PDXK: variants seen among roughly 807,000 people sequenced by gnomAD.
The protein encoded by PDXK is pyridoxal kinase, also known as epididymis secretory sperm binding protein Li 1a.
In PDXK, 15 loss-of-function variants were observed where a neutral mutation model predicts 43.2. The observed-to-expected ratio is 0.35, with a 90% CI of 0.23 to 0.53. The LOEUF is 0.53. PDXK is among the 20% of genes least tolerant of loss of function. The pLI is 0.92. For synonymous variants in PDXK, 172 were observed against 165.4 expected (o/e 1.04, Z -0.31); for missense variants, 343 against 417.0 (o/e 0.82, Z 1.54).
intron 1 of PDXK, among the ~76,000 whole-genome samples, chr21:43,727,937 C>G (rs2083270640): frequency 6.6e-6 from 1 of 152,238 alleles, no homozygotes; most frequent in Non-Finnish European, 1.5e-5. Flanking sequence ...CATCTGGGCA[C>G]TTCTGAGCCA....
chr21:43,752,486 G>A, intron 7 of PDXK, 32 bp from the exon 8 acceptor site: 1 of 1,460,688 alleles, frequency 6.8e-7, no homozygotes. Flanking sequence ...CATGTGACCG[G>A]CCGTGGCTGA....
intron 7 of PDXK, among the ~76,000 whole-genome samples, chr21:43,750,767 G>A (rs145902281): frequency 9.3e-5 from 11 of 118,686 alleles, no homozygotes; most frequent in South Asian, 2.8e-4. Flanking sequence ...GCGTGTGTGC[G>A]CGCGTATTGT....
Position 43,758,500 on chromosome 21 carries a change from A to C in PDXK, c.*2437A>C, listed in dbSNP as rs1280407027. On this transcript the variant is annotated 3_prime_UTR_variant, in exon 11 of 11. Coordinates refer to ENST00000291565, the MANE Select transcript of PDXK (RefSeq NM_003681.5). Reference sequence around the variant, plus strand: ...CAGACTGCCTGCTGTCAAACCACGGAGCAGCTGGAGCCTGCCCTGTCCACG... The same window carrying C: ...CAGACTGCCTGCTGTCAAACCACGGCGCAGCTGGAGCCTGCCCTGTCCACG... 1 of 153,564 alleles carries C rather than the reference A, an allele frequency of 6.5e-6. No individual in the cohort carries two copies. Among genetic ancestry groups the C allele is most frequent in the Non-Finnish European group, 1.5e-5 (1 of 68,056 alleles). 9.5% of individuals were successfully genotyped at this position (153,564 alleles called of 1,614,324 possible). A position where few individuals can be genotyped will look rare whatever the true frequency, so the allele number is the denominator to read the frequency against.
chr21:43,752,477 ATGTGACCGGCCGTGGCTGACG>A lies in PDXK; in HGVS notation c.511-40_511-20del, dbSNP rs772202708. ...TGGGGTGTGACCAGCCGTGGCTGAC[ATGTGACCGGCCGTGGCTGACG>A]CTCCCTGTGCCACTGCTAGGTGATG... On this transcript the variant is annotated intron_variant, in intron 7 of 10. Coordinates refer to ENST00000291565, the MANE Select transcript of PDXK (RefSeq NM_003681.5). 2 of 1,368,844 alleles carry A rather than the reference ATGTGACCGGCCGTGGCTGACG, an allele frequency of 1.5e-6. No individual in the cohort carries two copies. The highest frequency in any genetic ancestry group is 1.7e-5 in the Admixed American group (1 of 59,494). The allele number at this position is 1,368,844 out of a possible 1,614,324, so 84.8% of individuals were successfully genotyped here. A position where few individuals can be genotyped will look rare whatever the true frequency, so the allele number is the denominator to read the frequency against.
intron 1 of PDXK, among the ~76,000 whole-genome samples, chr21:43,725,224 G>A (rs761589518): frequency 3.3e-4 from 50 of 152,256 alleles, no homozygotes; most frequent in African/African-American, 1.2e-3. Context: ...TTGGGAGGCT[G>A]AGGCAGGAGA....
intron 2 of PDXK, chr21:43,736,990 A>G (rs1317223317): frequency 4.3e-6 from 3 of 701,840 alleles, no homozygotes; most frequent in South Asian, 1.5e-5. Context: ...GCTGGCGTGA[A>G]GTGGCGCAAC....
chr21:43,751,705 A>G (rs2083754454), intron 7 of PDXK, among the ~76,000 whole-genome samples: 1 of 152,106 alleles, frequency 6.6e-6, no homozygotes, highest in Admixed American at 6.5e-5. Flanking sequence ...TCATGTGTGG[A>G]TGGCAGGGGG....
At chr21:43,745,710 A>G in intron 4 of PDXK, 1 of 209,230 alleles carries the variant, frequency 4.8e-6, no homozygotes, top group Non-Finnish European at 9.7e-6. Flanking sequence ...AAGAAAAAAG[A>G]AAAAAGCCAA....
intron 2 of PDXK, among the ~76,000 whole-genome samples, chr21:43,739,819 C>G (rs1395782087): frequency 6.6e-6 from 1 of 151,822 alleles, no homozygotes; most frequent in African/African-American, 2.4e-5. Flanking sequence ...GAGTCCCACC[C>G]TGCCTGGAAA....
At chr21:43,733,801 C>T in intron 1 of PDXK, 1 of 767,014 alleles carries the variant, frequency 1.3e-6, no homozygotes. Flanking sequence ...CCATGGAGGT[C>T]CTGTGGGCTG....
At chr21:43,722,224 G>A (rs2083211686) in intron 1 of PDXK, among the ~76,000 whole-genome samples, 1 of 152,164 alleles carries the variant, frequency 6.6e-6, no homozygotes, top group African/African-American at 2.4e-5. Flanking sequence ...TGCTAGGACT[G>A]TTTCCTCTTG....
chr21:43,719,431 T>A (rs1288497926), intron 1 of PDXK, 50 bp downstream of exon 1: 2 of 1,469,306 alleles, frequency 1.4e-6, no homozygotes, highest in Non-Finnish European at 9.1e-7. Context: ...CCCGTGACCT[T>A]GGCGGGGCTG....
chr21:43,728,383 A>T (rs1225488600), intron 1 of PDXK, among the ~76,000 whole-genome samples: 1 of 152,020 alleles, frequency 6.6e-6, no homozygotes, highest in Non-Finnish European at 1.5e-5. Context: ...AAAATAAGCT[A>T]AAGGGAGGGT....
chr21:43,733,577 C>T (rs557143704), intron 1 of PDXK: 47 of 921,396 alleles, frequency 5.1e-5, no homozygotes, highest in African/African-American at 2.3e-4. Context: ...CTGACTCTCA[C>T]TCAGGCTTTT....
At chr21:43,741,901 G>C in intron 3 of PDXK, 130 bp downstream of exon 3, 1 of 677,100 alleles carries the variant, frequency 1.5e-6, no homozygotes, top group South Asian at 1.6e-5. Context: ...GGGCCTTGGC[G>C]TGCCCAAGCC....
chr21:43,751,245 A>G (rs569834561), intron 7 of PDXK, among the ~76,000 whole-genome samples: 2 of 152,310 alleles, frequency 1.3e-5, no homozygotes, highest in East Asian at 1.9e-4. Context: ...AGACTGGATG[A>G]TTTATAAAAA....
chr21:43,730,204 C>T (rs973265640), intron 1 of PDXK, among the ~76,000 whole-genome samples: 11 of 152,250 alleles, frequency 7.2e-5, no homozygotes, highest in Middle Eastern at 3.4e-3. Context: ...TGGCTCACTG[C>T]AACCTCCGCC....
At chr21:43,748,781 C>G (rs757013596) in intron 5 of PDXK, among the ~76,000 whole-genome samples, 1 of 152,198 alleles carries the variant, frequency 6.6e-6, no homozygotes, top group Non-Finnish European at 1.5e-5. Flanking sequence ...CTCGGCCCCT[C>G]GGAGCACTTA....
At chr21:43,736,839 C>T (rs2083411896) in intron 2 of PDXK, 4 of 682,112 alleles carry the variant, frequency 5.9e-6, no homozygotes, top group African/African-American at 1.8e-5. Context: ...CACTATGTTG[C>T]CCAAGGTGGT....
Sources: gnomAD v4.1 joint callset for allele counts (sites outside exome capture counted in the v4.1 genomes callset) on GRCh38, gnomAD v4.1.1 for gene constraint, MANE v1.5 for transcripts, NCBI Gene and HGNC (gene_info 2026-07-23, HGNC 2026-07-21) for gene names.